Variants in NFKB1 observed in about 807,000 individuals in gnomAD.
The protein encoded by NFKB1 is nuclear factor NF-kappa-B p105 subunit.
In NFKB1, 9 loss-of-function variants were observed where a neutral mutation model predicts 105.1. The ratio of observed to expected loss-of-function variants is 0.09; its 90% confidence interval spans 0.05 to 0.15. The LOEUF is 0.15. NFKB1 is among the 10% of genes least tolerant of loss of function. The pLI is 1.00. For missense variants in NFKB1, 830 were observed against 1,203.7 expected (o/e 0.69, Z 4.59); for synonymous variants, 440 against 442.2 (o/e 1.00, Z 0.06).
chr4:102,610,291 A>G (rs1728273067), intron 19 of NFKB1, among the ~76,000 whole-genome samples: 1 of 152,256 alleles, frequency 6.6e-6, no homozygotes, highest in Non-Finnish European at 1.5e-5. Context: ...CAGTTGAGAA[A>G]TATCCTGTAG....
intron 23 of NFKB1, among the ~76,000 whole-genome samples, chr4:102,614,330 TC>T (rs1384739089): frequency 6.6e-6 from 1 of 152,136 alleles, no homozygotes; most frequent in African/African-American, 2.4e-5. Context: ...AGGTTGTTGT[TC>T]CTGTTAATTC....
intron 3 of NFKB1, among the ~76,000 whole-genome samples, chr4:102,530,608 G>A (rs761763305): frequency 2.6e-5 from 4 of 152,170 alleles, no homozygotes; most frequent in Non-Finnish European, 4.4e-5. Context: ...AAAGCAGTGT[G>A]AGTGAATTAT....
chr4:102,596,497 C>A (rs1208310482), intron 14 of NFKB1, among the ~76,000 whole-genome samples, 165 bp downstream of exon 14: 2 of 152,154 alleles, frequency 1.3e-5, no homozygotes, highest in Non-Finnish European at 2.9e-5. Context: ...TCATTTTATT[C>A]ACACTGGGAT....
intron 18 of NFKB1, 101 bp downstream of exon 18, chr4:102,607,420 T>G (rs1392684156): frequency 7.6e-7 from 1 of 1,316,840 alleles, no homozygotes; most frequent in East Asian, 2.3e-5. Flanking sequence ...TCCCTTACAA[T>G]CAGCTCTATT....
At chr4:102,612,199 T>G in intron 21 of NFKB1, 89 bp downstream of exon 21, 2 of 1,246,524 alleles carry the variant, frequency 1.6e-6, no homozygotes, top group Admixed American at 4.0e-5. Context: ...CAGGGTCTAC[T>G]GTTAAAAGTT....
intron 8 of NFKB1, among the ~76,000 whole-genome samples, chr4:102,579,489 A>G (rs1165960427): frequency 6.6e-6 from 1 of 151,994 alleles, no homozygotes; most frequent in Non-Finnish European, 1.5e-5. Flanking sequence ...AAGTTAAATG[A>G]ATGAGTAGCA....
chr4:102,590,416 A>G (rs1327539190), intron 11 of NFKB1, among the ~76,000 whole-genome samples: 1 of 152,150 alleles, frequency 6.6e-6, no homozygotes, highest in Non-Finnish European at 1.5e-5. Context: ...TGATTTTTAC[A>G]AATTGAAGGT....
intron 5 of NFKB1, among the ~76,000 whole-genome samples, chr4:102,543,833 C>G (rs1040195538): frequency 6.6e-6 from 1 of 152,058 alleles, no homozygotes; most frequent in African/African-American, 2.4e-5. Flanking sequence ...TTACTTAAAA[C>G]AACAGGGGAG....
In NFKB1 at chr4:102,606,483, T is replaced by A. The variant is rs948038513; in HGVS notation, c.1753-13T>A. On this transcript the variant is annotated splice_polypyrimidine_tract_variant and intron_variant, in intron 16 of 23. Coordinates refer to ENST00000226574, the MANE Select transcript of NFKB1 (RefSeq NM_003998.4). ...CTGCTGACCAGTGAATCTCCTGCCC[T>A]TTCACTTTCCAGACGCCCTTGCACT... 9 of 1,613,318 alleles carry A rather than the reference T, an allele frequency of 5.6e-6. No homozygotes were observed. Among genetic ancestry groups the A allele is most frequent in the Non-Finnish European group, 6.8e-6 (8 of 1,179,646 alleles).
intron 23 of NFKB1, among the ~76,000 whole-genome samples, chr4:102,615,082 A>C (rs867725236): frequency 3.9e-5 from 6 of 152,030 alleles, no homozygotes; most frequent in African/African-American, 1.5e-4. Flanking sequence ...ACCTCCCTTC[A>C]GTCCATTCTC....
chr4:102,613,537 C>T lies in NFKB1; in HGVS notation c.2705C>T (p.Ala902Val), dbSNP rs1728641188. The T allele has an allele frequency of 6.2e-7, 1 of 1,613,712 alleles. No individual in the cohort carries two copies. Among genetic ancestry groups the T allele is most frequent in the African/African-American group, 1.3e-5 (1 of 74,904 alleles). The change falls in exon 23 of 24, where the codon GCC becomes GTC. Residue 902 changes from alanine to valine, a missense_variant. Around this residue, in one of 8 missense-constraint regions of NFKB1, gnomAD observed 418 missense variants for 575.3 expected, o/e 0.73. Coordinates refer to ENST00000226574, the MANE Select transcript of NFKB1 (RefSeq NM_003998.4). ...ASSPVKTTSQ[A>V]HSLPLSPAST... Reference sequence around the variant, plus strand: ...AGCCCAGTGAAGACCACCTCTCAGGCCCACTCGCTGCCTCTCTCGCCTGCC... The same window carrying T: ...AGCCCAGTGAAGACCACCTCTCAGGTCCACTCGCTGCCTCTCTCGCCTGCC...
In NFKB1 at chr4:102,522,051, C is replaced by G. The variant is rs189371506; in HGVS notation, c.-7-3461C>G. On this transcript the variant is annotated intron_variant, in intron 1 of 23. Coordinates refer to ENST00000226574, the MANE Select transcript of NFKB1 (RefSeq NM_003998.4). Reference sequence around the variant, plus strand: ...CTATCGCCCTTTTGGCTTCAAGGTCCTTCCTCAAAAGCAAAGAATTGAACA... The same window carrying G: ...CTATCGCCCTTTTGGCTTCAAGGTCGTTCCTCAAAAGCAAAGAATTGAACA... Among the ~76,000 whole-genome samples the G allele has an allele frequency of 3.8e-3, 576 of 152,266 alleles. 5 individuals are homozygous for G. Among genetic ancestry groups the G allele is most frequent in the Non-Finnish European group, 6.4e-3 (434 of 68,026 alleles).
At chr4:102,551,052 C>A (rs969789466) in intron 5 of NFKB1, among the ~76,000 whole-genome samples, 29 of 152,158 alleles carry the variant, frequency 1.9e-4, no homozygotes, top group African/African-American at 6.8e-4. Context: ...AAAGTACGTT[C>A]TGAATTATTT....
At chr4:102,557,359 G>C (rs79467920) in intron 5 of NFKB1, among the ~76,000 whole-genome samples, 1 of 152,252 alleles carries the variant, frequency 6.6e-6, no homozygotes, top group East Asian at 1.9e-4. Context: ...AAGTAAAAAA[G>C]TTAAGTAACT....
chr4:102,518,600 G>A (rs1041570734), intron 1 of NFKB1, among the ~76,000 whole-genome samples: 2 of 152,040 alleles, frequency 1.3e-5, no homozygotes, highest in Admixed American at 6.6e-5. Context: ...AAAAAAAGGA[G>A]AATCACCACA....
At chr4:102,532,852 C>G (rs1337220912) in intron 3 of NFKB1, among the ~76,000 whole-genome samples, 1 of 152,030 alleles carries the variant, frequency 6.6e-6, no homozygotes. Context: ...CCACCATATG[C>G]CTTTATTTAT....
intron 1 of NFKB1, among the ~76,000 whole-genome samples, chr4:102,504,821 A>G (rs985671854): frequency 2.0e-5 from 3 of 152,196 alleles, no homozygotes; most frequent in African/African-American, 2.4e-5. Flanking sequence ...AGCCTCAGGG[A>G]GAAAGGTTTG....
Position 102,616,457 on chromosome 4 carries a change from G to A in NFKB1, c.2773G>A (p.Val925Ile), listed in dbSNP as rs2149237468. ...QIDELRDSDS[V>I]CDSGVETSFR... ...AGACGAGCTCCGAGACAGTGACAGT[G>A]TCTGCGACAGCGGCGTGGAGACATC... Residue 925 changes from valine (V) to isoleucine (I), a missense_variant, in exon 24 of 24, where the codon GTC (valine) becomes ATC (isoleucine). Around this residue, in one of 8 missense-constraint regions of NFKB1, gnomAD observed 418 missense variants for 575.3 expected, o/e 0.73. Coordinates refer to ENST00000226574, the MANE Select transcript of NFKB1 (RefSeq NM_003998.4). 2 of 1,614,132 alleles carry A rather than the reference G, an allele frequency of 1.2e-6. No homozygotes were observed. The highest frequency in any genetic ancestry group is 3.3e-5 in the Admixed American group (2 of 60,028).
chr4:102,542,914 G>A (rs1041126760), intron 5 of NFKB1, among the ~76,000 whole-genome samples: 4 of 152,208 alleles, frequency 2.6e-5, no homozygotes, highest in Non-Finnish European at 5.9e-5. Context: ...AAGTAAGTAT[G>A]CAGACTAACT....
Sources: gnomAD v4.1 joint callset for allele counts (sites outside exome capture counted in the v4.1 genomes callset) on GRCh38, gnomAD v4.1.1 for gene constraint, gnomAD v4.1.1 regional missense constraint, MANE v1.5 for transcripts, NCBI Gene and HGNC (gene_info 2026-07-23, HGNC 2026-07-21) for gene names.